The following HDAC9 variants were observed in gnomAD, a reference collection of about 807,000 sequenced individuals.
HDAC9 encodes the protein histone deacetylase 9.
Under a neutral mutation model 139.4 loss-of-function variants are expected in HDAC9, and 41 were observed. The ratio of observed to expected loss-of-function variants is 0.29; its 90% CI spans 0.23 to 0.38. The LOEUF (loss-of-function observed/expected upper bound fraction) is 0.38, where lower values mean the gene tolerates loss of function less well. Ranked by LOEUF, HDAC9 falls within the 10% of genes least tolerant of loss-of-function variation. The probability of loss-of-function intolerance (pLI) is 1.00; values close to 1 mark genes in which losing one functional copy is unlikely to be tolerated. For missense variants in HDAC9, 1,147 were observed against 1,297.0 expected (o/e 0.88, Z 1.78); for synonymous variants, 517 against 476.2 (o/e 1.09, Z -1.12).
In HDAC9 at chr7:18,991,167, C is replaced by G. The variant is rs989478710; in HGVS notation, c.3171-4856C>G. Among the ~76,000 whole-genome samples, 3 of 152,134 alleles carry G rather than the reference C, an allele frequency of 2.0e-5. No individual in the cohort carries two copies. In the East Asian group the frequency reaches 5.8e-4, roughly 29 times the overall value. On this transcript the variant is annotated intron_variant, in intron 25 of 25. Coordinates refer to ENST00000686413, the MANE Select transcript of HDAC9 (RefSeq NM_178425.4). ...AATCATTCCAACATATGTATATAAA[C>G]ATTTCAAAAAGTATTTATGGGATGT...
In HDAC9 at chr7:18,857,355, GTGTGTGTGTA is replaced by G. The variant is rs1275438612; in HGVS notation, c.2685-17119_2685-17110del. On this transcript the variant is annotated intron_variant, in intron 21 of 25. Coordinates refer to ENST00000686413, the MANE Select transcript of HDAC9 (RefSeq NM_178425.4). ...TTTAGTTGTGTGTGTGTGTGTGTGT[GTGTGTGTGTA>G]TGTATGTATGTACTAGTTCCTGGAG... Among the ~76,000 whole-genome samples, 5 of 151,836 alleles carry G rather than the reference GTGTGTGTGTA, an allele frequency of 3.3e-5. No individual in the cohort carries two copies. In the South Asian group the frequency reaches 8.3e-4, roughly 25 times the overall value.
chr7:18,684,374 T>A (rs1782109077), intron 12 of HDAC9, among the ~76,000 whole-genome samples: 2 of 151,800 alleles, frequency 1.3e-5, no homozygotes. Context: ...GTGCAGTGGC[T>A]CACACCTACA....
At chr7:18,478,867 A>G (rs183234263) in intron 1 of HDAC9, among the ~76,000 whole-genome samples, 74 of 152,146 alleles carry the variant, frequency 4.9e-4, no homozygotes, top group African/African-American at 1.7e-3. Context: ...TTAATTTTCA[A>G]TTTTCTGATT....
intron 2 of HDAC9, among the ~76,000 whole-genome samples, chr7:18,212,741 G>A (rs1481618231): frequency 6.6e-6 from 1 of 152,138 alleles, no homozygotes; most frequent in Non-Finnish European, 1.5e-5. Context: ...CAAAGATTAG[G>A]TTTCAGACTG....
chr7:18,123,834 G>A (rs572537733), intron 1 of HDAC9, among the ~76,000 whole-genome samples: 1 of 152,138 alleles, frequency 6.6e-6, no homozygotes, highest in Admixed American at 6.5e-5. Flanking sequence ...GGCAGTTTAA[G>A]CAGTGGTTAA....
intron 14 of HDAC9, among the ~76,000 whole-genome samples, chr7:18,752,742 T>G (rs897508099): frequency 6.6e-6 from 1 of 152,150 alleles, no homozygotes; most frequent in Non-Finnish European, 1.5e-5. Context: ...AGGAATATAA[T>G]GCATACAAGC....
intron 1 of HDAC9, among the ~76,000 whole-genome samples, chr7:18,392,437 A>G (rs1039618345): frequency 6.6e-6 from 1 of 151,860 alleles, no homozygotes; most frequent in Non-Finnish European, 1.5e-5. Flanking sequence ...AGATAGATAG[A>G]TAGACAGATA....
intron 1 of HDAC9, among the ~76,000 whole-genome samples, chr7:18,444,500 C>A (rs1168088926): frequency 6.6e-6 from 1 of 151,982 alleles, no homozygotes; most frequent in Non-Finnish European, 1.5e-5. Flanking sequence ...TATCCCCCGA[C>A]CACTGTATAT....
intron 1 of HDAC9, among the ~76,000 whole-genome samples, chr7:18,140,941 A>G (rs572194264): frequency 1.3e-5 from 2 of 151,676 alleles, no homozygotes; most frequent in Non-Finnish European, 2.9e-5. Flanking sequence ...AGTGTCTACA[A>G]TAGAATTTGA....
At chr7:18,867,420 T>A (rs147531023) in intron 21 of HDAC9, among the ~76,000 whole-genome samples, 4 of 152,322 alleles carry the variant, frequency 2.6e-5, no homozygotes. Flanking sequence ...AAAGGGAGCA[T>A]TGAACATAAA....
chr7:18,273,392 G>T (rs931049683), intron 2 of HDAC9, among the ~76,000 whole-genome samples: 1 of 151,964 alleles, frequency 6.6e-6, no homozygotes, highest in Non-Finnish European at 1.5e-5. Context: ...AAGCCATAAG[G>T]TATATTGTGT....
At chr7:18,743,681 C>G (rs1252795220) in intron 13 of HDAC9, among the ~76,000 whole-genome samples, 2 of 148,768 alleles carry the variant, frequency 1.3e-5, no homozygotes, top group African/African-American at 4.9e-5. Flanking sequence ...GAACCTGTCT[C>G]TAAAAACATA....
At chr7:18,982,650 CCA>C (rs1785034670) in intron 25 of HDAC9, among the ~76,000 whole-genome samples, 1 of 152,128 alleles carries the variant, frequency 6.6e-6, no homozygotes, top group Admixed American at 6.6e-5. Context: ...GCCACTCCCT[CCA>C]GAGGTAACTA....
At chr7:18,398,493 T>G (rs1787254872) in intron 1 of HDAC9, among the ~76,000 whole-genome samples, 1 of 152,154 alleles carries the variant, frequency 6.6e-6, no homozygotes, top group Non-Finnish European at 1.5e-5. Context: ...TTTCTTTTTG[T>G]CTTTTATAGC....
rs567619873 is a variant in HDAC9 at position 18,632,230 on chromosome 7, C to G, written c.797-2397C>G. 6.6e-5 allele frequency among the ~76,000 whole-genome samples: 10 copies of G among 151,754 alleles called. No homozygotes were observed. In the South Asian group the frequency reaches 2.1e-3, roughly 32 times the overall value. On this transcript the variant is annotated intron_variant, in intron 7 of 25. Coordinates refer to ENST00000686413, the MANE Select transcript of HDAC9 (RefSeq NM_178425.4). ...TAAAAAAAATTAATCAAAATATAAA[C>G]CAGATATATAGACAGAAAGGCAGTG...
chr7:18,754,767 G>C (rs1480913891), intron 14 of HDAC9, among the ~76,000 whole-genome samples: 1 of 152,080 alleles, frequency 6.6e-6, no homozygotes, highest in Non-Finnish European at 1.5e-5. Flanking sequence ...CAAGTTTAGT[G>C]CAGAATCTTA....
At chr7:18,902,941 A>G (rs1041871293) in intron 22 of HDAC9, among the ~76,000 whole-genome samples, 6 of 152,240 alleles carry the variant, frequency 3.9e-5, no homozygotes, top group African/African-American at 1.4e-4. Flanking sequence ...ATTTATTTAC[A>G]TATGGCATTG....
intron 22 of HDAC9, among the ~76,000 whole-genome samples, chr7:18,917,277 C>A (rs912469979): frequency 6.6e-6 from 1 of 151,694 alleles, no homozygotes; most frequent in Non-Finnish European, 1.5e-5. Flanking sequence ...GGGCACTGCA[C>A]AATTGAAGCA....
chr7:18,776,701 G>A (rs1790796602), intron 16 of HDAC9, among the ~76,000 whole-genome samples: 1 of 151,822 alleles, frequency 6.6e-6, no homozygotes, highest in Admixed American at 6.6e-5. Flanking sequence ...TTGCTTTTTT[G>A]GATATTAGGA....
Sources: gnomAD v4.1 joint callset for allele counts (sites outside exome capture counted in the v4.1 genomes callset) on GRCh38, gnomAD v4.1.1 for gene constraint, MANE v1.5 for transcripts, NCBI Gene and HGNC (gene_info 2026-07-23, HGNC 2026-07-21) for gene names.